Variants in ATOH8 observed in about 807,000 individuals in gnomAD.
ATOH8 encodes transcription factor ATOH8.
In ATOH8, 9 loss-of-function variants were observed where a neutral mutation model predicts 21.2. The observed-to-expected ratio is 0.42, with a 90% CI of 0.26 to 0.74. ATOH8 has a LOEUF of 0.74. ATOH8 is among the 30% of genes least tolerant of loss of function. ATOH8 has a pLI of 0.24. For synonymous variants in ATOH8, 253 were observed against 224.0 expected, an observed-to-expected ratio of 1.13 and a Z score of -1.16; for missense variants, 524 against 470.9, an observed-to-expected ratio of 1.11 and a Z score of -1.04.
At position 85,770,400 on chromosome 2, in the gene ATOH8, C is replaced by T. The variant is rs117627840; in HGVS notation, c.960+6218C>T. Among the ~76,000 whole-genome samples, 317 of 151,122 alleles carry T rather than the reference C, an allele frequency of 2.1e-3. 11 individuals are homozygous for T. In the East Asian group the frequency reaches 0.057, roughly 27 times the overall value. On this transcript the variant is annotated intron_variant, in intron 2 of 2. Coordinates refer to ENST00000306279, the MANE Select transcript of ATOH8 (RefSeq NM_032827.7). ...CCGGCCCAGTTATTAAGTTAAATAC[C>T]ATCTGCTTTCAAAGCCCAAGGAGGC... is the stretch of plus-strand genomic sequence containing the variant.
rs1255564713 is a variant in ATOH8 at position 85,787,594 on chromosome 2, G to A, written c.*704G>A. 2.0e-5 allele frequency: 3 copies of A among 152,782 alleles called. No homozygotes were observed. The highest frequency in any genetic ancestry group is 7.2e-5 in the African/African-American group (3 of 41,460). 9.5% of individuals were successfully genotyped at this position (152,782 alleles called of 1,614,324 possible). A position where few individuals can be genotyped will look rare whatever the true frequency, so the allele number is the denominator to read the frequency against. On this transcript the variant is annotated 3_prime_UTR_variant, in exon 3 of 3. Coordinates refer to ENST00000306279, the MANE Select transcript of ATOH8 (RefSeq NM_032827.7). ...CCTTGGGCCCTAAGCATCACCAGAA[G>A]GGAGTAAGCAGGGAGAGAAGCAATA...
rs750443 is a variant in ATOH8, at chr2:85,785,553, G to A, written c.961-1332G>A. On this transcript the variant is annotated intron_variant, in intron 2 of 2. Coordinates refer to ENST00000306279, the MANE Select transcript of ATOH8 (RefSeq NM_032827.7). This position sits in a 1 kb window ranked among gnomAD's most constrained non-coding sequence, Gnocchi z 4.1. ...GACTTGCGTCTTGGCTGGCTGCCCC[G>A]GCCCACGGGGCTCACCAGGGCCTGT... 0.23 allele frequency among the ~76,000 whole-genome samples: 35,352 copies of A among 152,156 alleles called. 4,308 individuals carry two copies. The highest frequency in any genetic ancestry group is 0.29 in the African/African-American group (11,988 of 41,504).
At chr2:85,777,824 A>C (rs932868046) in intron 2 of ATOH8, among the ~76,000 whole-genome samples, 33 of 152,338 alleles carry the variant, frequency 2.2e-4, no homozygotes, top group African/African-American at 7.5e-4. Flanking sequence ...CGCTTAGTAA[A>C]CATTTGCTGG....
At chr2:85,776,943 A>G (rs1680343788) in intron 2 of ATOH8, among the ~76,000 whole-genome samples, 1 of 152,048 alleles carries the variant, frequency 6.6e-6, no homozygotes, top group Non-Finnish European at 1.5e-5. Context: ...ACCACCACGT[A>G]CACACGAGTC....
intron 2 of ATOH8, among the ~76,000 whole-genome samples, chr2:85,771,516 C>T (rs1680181093): frequency 6.6e-6 from 1 of 152,146 alleles, no homozygotes; most frequent in Non-Finnish European, 1.5e-5. Context: ...GAATGACCGA[C>T]CAGCCAAAAG....
intron 2 of ATOH8, among the ~76,000 whole-genome samples, chr2:85,781,908 TA>T (rs1680508112): frequency 6.9e-6 from 1 of 145,548 alleles, no homozygotes; most frequent in South Asian, 2.2e-4. Flanking sequence ...AAAATAAAAA[TA>T]AAAAAGATGA....
At chr2:85,761,884 A>T (rs1456417830) in intron 1 of ATOH8, among the ~76,000 whole-genome samples, 1 of 152,170 alleles carries the variant, frequency 6.6e-6, no homozygotes, top group Non-Finnish European at 1.5e-5. Context: ...CATTTCTGGG[A>T]TGGGTTTGGA....
At chr2:85,762,344 C>T (rs1013584269) in intron 1 of ATOH8, among the ~76,000 whole-genome samples, 1 of 152,184 alleles carries the variant, frequency 6.6e-6, no homozygotes, top group African/African-American at 2.4e-5. Flanking sequence ...TCTTCATCAT[C>T]AGAGAGAGGA....
rs899719612 is a variant in ATOH8 at position 85,788,253 on chromosome 2, C to T, written c.*1363C>T. 2.0e-5 allele frequency among the ~76,000 whole-genome samples: 3 copies of T among 151,980 alleles called. No homozygotes were observed. The highest frequency in any genetic ancestry group is 4.4e-5 in the Non-Finnish European group (3 of 67,984). On this transcript the variant is annotated 3_prime_UTR_variant, in exon 3 of 3. Coordinates refer to ENST00000306279, the MANE Select transcript of ATOH8 (RefSeq NM_032827.7). The stretch of plus-strand genomic sequence containing the variant: ...GGGCGGTTCCCACAGTAGTCTCAGC[C>T]TGGACTAGTGACCAGGAGGCCTGGT...
In ATOH8 at chr2:85,787,032, A is replaced by G. The variant is rs1680637807; in HGVS notation, c.*142A>G. ...CCAGCCTACAGCCTCTCAGGGTCGG[A>G]TCGGAGCACGCCTGCCTCCCTCTCC... On this transcript the variant is annotated 3_prime_UTR_variant, in exon 3 of 3. Coordinates refer to ENST00000306279, the MANE Select transcript of ATOH8 (RefSeq NM_032827.7). 4 of 1,110,456 alleles carry G rather than the reference A, an allele frequency of 3.6e-6. No individual in the cohort carries two copies. The highest frequency in any genetic ancestry group is 5.2e-6 in the Non-Finnish European group (4 of 764,660). The allele number at this position is 1,110,456 out of a possible 1,614,324, so 68.8% of individuals were successfully genotyped here.
chr2:85,757,027 A>G (rs1322109089), intron 1 of ATOH8, among the ~76,000 whole-genome samples: 1 of 152,242 alleles, frequency 6.6e-6, no homozygotes. Flanking sequence ...GAGCGTGTGT[A>G]TGCAATGCAA....
chr2:85,780,830 A>T (rs1680462895), intron 2 of ATOH8: 33 of 970,226 alleles, frequency 3.4e-5, no homozygotes, highest in Non-Finnish European at 3.9e-5. Context: ...ACTATCCTCG[A>T]TTCATGCCAT....
chr2:85,772,380 G>A (rs1244873388), intron 2 of ATOH8, among the ~76,000 whole-genome samples: 3 of 152,226 alleles, frequency 2.0e-5, no homozygotes, highest in Non-Finnish European at 4.4e-5. Flanking sequence ...AGCTCCGCTG[G>A]AACAGAGGGT....
At chr2:85,756,359 C>T (rs1014160783) in intron 1 of ATOH8, among the ~76,000 whole-genome samples, 1 of 152,134 alleles carries the variant, frequency 6.6e-6, no homozygotes, top group African/African-American at 2.4e-5. Flanking sequence ...GATCCTGCAA[C>T]CCACTCCCCA....
intron 2 of ATOH8, chr2:85,775,262 C>A: frequency 1.0e-6 from 1 of 985,296 alleles, no homozygotes; most frequent in Non-Finnish European, 1.2e-6. Flanking sequence ...CATACTAGGG[C>A]CCCCAAATAA....
chr2:85,786,802 A>G (rs923031242), intron 2 of ATOH8, 83 bp from the exon 3 acceptor site: 2 of 1,600,970 alleles, frequency 1.2e-6, no homozygotes, highest in African/African-American at 1.3e-5. Context: ...TGGAGGACTC[A>G]GTGAAGGGAC....
In ATOH8 at chr2:85,774,400, T is replaced by A; in HGVS notation, c.960+10218T>A. On this transcript the variant is annotated intron_variant, in intron 2 of 2. Coordinates refer to ENST00000306279, the MANE Select transcript of ATOH8 (RefSeq NM_032827.7). ...GGCCCTGGCTCCCCACATCCCATCCTTAAACAGGCCATGCCCTTTCTACCT... is the reference window on the plus strand; with the variant it reads ...GGCCCTGGCTCCCCACATCCCATCCATAAACAGGCCATGCCCTTTCTACCT... The A allele has an allele frequency of 3.0e-6, 3 of 985,600 alleles. No homozygotes were observed. The South Asian group carries it at 1.4e-4, about 46-fold the overall frequency. The allele number at this position is 985,600 out of a possible 1,614,324, so 61.1% of individuals were successfully genotyped here. A position where few individuals can be genotyped will look rare whatever the true frequency, so the allele number is the denominator to read the frequency against.
chr2:85,776,609 C>T (rs1350627839), intron 2 of ATOH8, among the ~76,000 whole-genome samples: 3 of 152,176 alleles, frequency 2.0e-5, no homozygotes, highest in Non-Finnish European at 4.4e-5. Context: ...TGCTGGGGTC[C>T]GGTGGAGGGC....
chr2:85,778,321 C>T lies in ATOH8; in HGVS notation c.961-8564C>T, dbSNP rs190038050. The stretch of plus-strand genomic sequence containing the variant: ...GCATACGTGTGTGTGTGTGTGCGCG[C>T]GCGTGTGTGGCAGTGAGTAAAGACC... On this transcript the variant is annotated intron_variant, in intron 2 of 2. Coordinates refer to ENST00000306279, the MANE Select transcript of ATOH8 (RefSeq NM_032827.7). Among the ~76,000 whole-genome samples the T allele has an allele frequency of 3.5e-3, 538 of 152,136 alleles. 5 individuals are homozygous for T. The highest frequency in any genetic ancestry group is 0.012 in the African/African-American group (514 of 41,488).
Sources: allele counts gnomAD v4.1 joint callset (sites outside exome capture counted in the v4.1 genomes callset), GRCh38; gene constraint gnomAD v4.1.1; non-coding constraint Gnocchi (gnomAD v3.1); transcripts MANE v1.5; gene names NCBI Gene and HGNC (gene_info 2026-07-23, HGNC 2026-07-21).